EML6: variants seen among roughly 807,000 people sequenced by gnomAD.
EML6 encodes the protein echinoderm microtubule-associated protein-like 6.
In EML6, 154 loss-of-function variants were observed where a neutral mutation model predicts 240.1. The observed-to-expected ratio is 0.64, with a 90% CI of 0.56 to 0.73. EML6 has a LOEUF of 0.73. Ranked by LOEUF, EML6 falls within the 30% of genes least tolerant of loss-of-function variation. EML6 has a pLI of 0.00. For missense variants in EML6, 2,964 were observed against 2,474.6 expected (o/e 1.20, Z -4.20); for synonymous variants, 1,148 against 899.0 (o/e 1.28, Z -4.95).
chr2:54,787,200 G>T (rs1177907623), intron 2 of EML6, among the ~76,000 whole-genome samples: 2 of 152,148 alleles, frequency 1.3e-5, no homozygotes, highest in Non-Finnish European at 1.5e-5. Context: ...TTCTCGAAGT[G>T]ACCAAATGCT....
chr2:54,853,499 G>C (rs545254973), intron 10 of EML6, 144 bp from the exon 11 acceptor site: 3 of 553,572 alleles, frequency 5.4e-6, no homozygotes, highest in Admixed American at 3.8e-5. Flanking sequence ...CGCAAAAAAA[G>C]AAAAAATCGC....
chr2:54,842,233 A>G (rs893259082), intron 7 of EML6, among the ~76,000 whole-genome samples: 5 of 151,966 alleles, frequency 3.3e-5, no homozygotes, highest in Admixed American at 6.6e-5. Context: ...CCTGTTCATC[A>G]CTCTGCCTAT....
intron 28 of EML6, among the ~76,000 whole-genome samples, chr2:54,941,688 G>A (rs1309079360): frequency 6.6e-6 from 1 of 152,214 alleles, no homozygotes; most frequent in Admixed American, 6.5e-5. Flanking sequence ...CTGAGAGTTG[G>A]TACAGAGATC....
At chr2:54,810,509 C>T (rs1441872256) in intron 2 of EML6, among the ~76,000 whole-genome samples, 6 of 152,178 alleles carry the variant, frequency 3.9e-5, no homozygotes, top group Non-Finnish European at 7.3e-5. Flanking sequence ...TTCAGAATCT[C>T]AAGAATCTAA....
At chr2:54,841,493 G>C (rs941557189) in intron 7 of EML6, among the ~76,000 whole-genome samples, 1 of 151,518 alleles carries the variant, frequency 6.6e-6, no homozygotes, top group African/African-American at 2.4e-5. Flanking sequence ...ACAGTGAAGT[G>C]ATTAAGATCA....
Position 54,962,639 on chromosome 2 carries a change from T to C in EML6, c.5085T>C (p.Thr1695=), listed in dbSNP as rs1416605931. The C allele has an allele frequency of 1.3e-6, 2 of 1,543,350 alleles. No homozygotes were observed. The highest frequency in any genetic ancestry group is 2.5e-5 in the East Asian group (1 of 40,400). The change falls in exon 36 of 42, where the codon ACT becomes ACC. Residue 1695 remains threonine, a synonymous_variant. Transcript: ENST00000356458. ...HMEGEIWGLA[T]HPSKDLFISA... is the part of the protein sequence containing the mutation. ...AAGGGGAGATCTGGGGCCTGGCCACTCACCCTTCCAAGGACCTCTTCATCT... is the reference window on the plus strand; with the variant it reads ...AAGGGGAGATCTGGGGCCTGGCCACCCACCCTTCCAAGGACCTCTTCATCT...
chr2:54,752,173 TAA>T (rs1292885984), intron 2 of EML6, among the ~76,000 whole-genome samples: 1 of 152,216 alleles, frequency 6.6e-6, no homozygotes, highest in Admixed American at 6.5e-5. Flanking sequence ...TGCTGTTTTT[TAA>T]AAGTTACTTT....
At chr2:54,908,118 T>G (rs1036419836) in intron 24 of EML6, among the ~76,000 whole-genome samples, 1 of 152,126 alleles carries the variant, frequency 6.6e-6, no homozygotes, top group African/African-American at 2.4e-5. Context: ...CCTTAATTAT[T>G]CCTTTCTAAT....
intron 22 of EML6, among the ~76,000 whole-genome samples, chr2:54,902,752 T>C (rs942252147): frequency 6.6e-6 from 1 of 152,172 alleles, no homozygotes; most frequent in Non-Finnish European, 1.5e-5. Flanking sequence ...AAATAACTTT[T>C]CAACTAATTT....
Position 54,910,935 on chromosome 2 carries a change from C to G in EML6, c.3410-19C>G. The G allele has an allele frequency of 7.3e-7, 1 of 1,376,028 alleles. No homozygotes were observed. The highest frequency in any genetic ancestry group is 1.0e-6 in the Non-Finnish European group (1 of 992,758). The allele number at this position is 1,376,028 out of a possible 1,614,324, so 85.2% of individuals were successfully genotyped here. A position where few individuals can be genotyped will look rare whatever the true frequency, so the allele number is the denominator to read the frequency against. The stretch of plus-strand genomic sequence containing the variant: ...AAGTCAGATTTTAATTATCTCTCTA[C>G]TTCGTTCTGTCGTAACAGGAAAATT... On this transcript the variant is annotated intron_variant, in intron 24 of 41. Coordinates refer to ENST00000356458, the MANE Select transcript of EML6 (RefSeq NM_001039753.4).
chr2:54,739,611 C>G (rs1228370448), intron 2 of EML6, among the ~76,000 whole-genome samples: 1 of 152,220 alleles, frequency 6.6e-6, no homozygotes, highest in Non-Finnish European at 1.5e-5. Context: ...CACACATCTC[C>G]TCTCAATGAA....
intron 14 of EML6, chr2:54,867,986 C>G (rs932570312): frequency 6.6e-6 from 1 of 152,272 alleles, no homozygotes; most frequent in Middle Eastern, 3.4e-3. Flanking sequence ...TAGCCACACA[C>G]AGTCACTGAG....
At chr2:54,753,940 G>T (rs1684286177) in intron 2 of EML6, among the ~76,000 whole-genome samples, 1 of 151,886 alleles carries the variant, frequency 6.6e-6, no homozygotes. Flanking sequence ...TTCGAGACCA[G>T]CCTGACCAAC....
At chr2:54,809,937 C>G (rs1013348039) in intron 2 of EML6, among the ~76,000 whole-genome samples, 4 of 50,864 alleles carry the variant, frequency 7.9e-5, no homozygotes, top group African/African-American at 2.3e-4. Context: ...GGTGGAGTTT[C>G]TGGGAAGCCT....
chr2:54,908,376 A>AT (rs910518837), intron 24 of EML6, among the ~76,000 whole-genome samples: 6 of 151,770 alleles, frequency 4.0e-5, no homozygotes, highest in South Asian at 2.1e-4. Context: ...TGCCCGGCTA[A>AT]TTTTTTTTCT....
At chr2:54,820,317 T>C (rs1668273393) in intron 4 of EML6, 77 bp from the exon 5 acceptor site, 1 of 798,690 alleles carries the variant, frequency 1.3e-6, no homozygotes. Context: ...AGTAGAGTCT[T>C]GGCAATTGGA....
chr2:54,810,427 C>A (rs1027406828), intron 2 of EML6, among the ~76,000 whole-genome samples: 6 of 152,144 alleles, frequency 3.9e-5, no homozygotes, highest in Non-Finnish European at 7.4e-5. Context: ...ATTCAAAGAA[C>A]TGCAATAAAT....
chr2:54,915,348 G>C (rs1052460020), intron 25 of EML6, among the ~76,000 whole-genome samples: 2 of 152,156 alleles, frequency 1.3e-5, no homozygotes, highest in African/African-American at 4.8e-5. Context: ...TGGACTAGGA[G>C]AGTCTTAGAG....
intron 21 of EML6, among the ~76,000 whole-genome samples, chr2:54,897,155 A>G (rs376672838): frequency 6.6e-6 from 1 of 152,196 alleles, no homozygotes; most frequent in Admixed American, 6.5e-5. Flanking sequence ...ATATTGCTAG[A>G]TATTTTAGAA....
Sources: gnomAD v4.1 joint callset for allele counts (sites outside exome capture counted in the v4.1 genomes callset) on GRCh38, gnomAD v4.1.1 for gene constraint, MANE v1.5 for transcripts, NCBI Gene and HGNC (gene_info 2026-07-23, HGNC 2026-07-21) for gene names.